The following ATOSA variants were observed in gnomAD, a reference collection of about 807,000 sequenced individuals.
ATOSA encodes the protein atos homolog A.
the ATOSA span, among the ~76,000 whole-genome samples, chr15:52,616,800 A>C: frequency 6.6e-6 from 1 of 152,186 alleles, no homozygotes; most frequent in African/African-American, 2.4e-5. Context: ...AAAGAGAATG[A>C]AATAAGCTAT....
the ATOSA span, chr15:52,608,512 A>G: frequency 6.6e-7 from 1 of 1,507,754 alleles, no homozygotes; most frequent in Non-Finnish European, 8.8e-7. Context: ...TGTGAACAAA[A>G]TTTAAACCAT....
chr15:52,610,917 CTT>C, the ATOSA span, among the ~76,000 whole-genome samples: 1 of 152,212 alleles, frequency 6.6e-6, no homozygotes, highest in Non-Finnish European at 1.5e-5. Flanking sequence ...TAAAAGTTCT[CTT>C]GATATTATTC....
chr15:52,667,335 C>T, the ATOSA span, among the ~76,000 whole-genome samples: 28 of 152,242 alleles, frequency 1.8e-4, no homozygotes, highest in African/African-American at 6.7e-4. Context: ...TGTTGTCTAA[C>T]ATCAGGGTCT....
chr15:52,609,869 G>A, the ATOSA span: 28 of 1,613,522 alleles, frequency 1.7e-5, no homozygotes, highest in East Asian at 1.1e-4. Context: ...AAACTCTGGC[G>A]GTTAGAGATA....
the ATOSA span, among the ~76,000 whole-genome samples, chr15:52,665,119 G>A: frequency 5.3e-5 from 8 of 152,206 alleles, no homozygotes; most frequent in Non-Finnish European, 1.0e-4. Context: ...GGGGAATGGA[G>A]GGAGGCAGGT....
At chr15:52,652,021 G>C in the ATOSA span, 1 of 1,510,844 alleles carries the variant, frequency 6.6e-7, no homozygotes, top group Non-Finnish European at 8.8e-7. Flanking sequence ...GTTGGGTGCT[G>C]ATCCCGCTTC....
chr15:52,621,580 T>C, the ATOSA span, among the ~76,000 whole-genome samples: 2 of 152,090 alleles, frequency 1.3e-5, no homozygotes, highest in South Asian at 2.1e-4. Context: ...AATTGAACCA[T>C]GGGGGTGGGT....
the ATOSA span, chr15:52,611,102 T>A: frequency 2.4e-4 from 378 of 1,588,878 alleles, no homozygotes; most frequent in Middle Eastern, 1.5e-3. Flanking sequence ...GAATACGCAC[T>A]GTCCTTTTTT....
chr15:52,684,985 A>G, the ATOSA span, among the ~76,000 whole-genome samples: 11 of 152,368 alleles, frequency 7.2e-5, no homozygotes, highest in African/African-American at 1.9e-4. Context: ...ATCTCTATTG[A>G]TACTTTAAAA....
chr15:52,609,350 T>C, the ATOSA span: 9 of 1,614,022 alleles, frequency 5.6e-6, no homozygotes, highest in East Asian at 2.0e-4. Flanking sequence ...TATGAACTCC[T>C]AAACACTTTA....
At chr15:52,622,212 T>C in the ATOSA span, among the ~76,000 whole-genome samples, 1 of 152,200 alleles carries the variant, frequency 6.6e-6, no homozygotes, top group Non-Finnish European at 1.5e-5. Flanking sequence ...CACACACAGG[T>C]AACAGTATAC....
chr15:52,602,298 T>C, the ATOSA span, among the ~76,000 whole-genome samples: 1 of 152,210 alleles, frequency 6.6e-6, no homozygotes, highest in Non-Finnish European at 1.5e-5. Flanking sequence ...TTCTTTCATC[T>C]AAATTCCCTA....
At chr15:52,582,891 TA>T in the ATOSA span, among the ~76,000 whole-genome samples, 1 of 152,262 alleles carries the variant, frequency 6.6e-6, no homozygotes, top group African/African-American at 2.4e-5. Context: ...CCACTGCTAA[TA>T]TCTGTAATAC....
chr15:52,600,222 A>G, the ATOSA span: 3 of 1,605,386 alleles, frequency 1.9e-6, no homozygotes, highest in Non-Finnish European at 2.6e-6. Context: ...TCAATGTTTA[A>G]ACATGGTCGA....
At chr15:52,624,020 T>A in the ATOSA span, among the ~76,000 whole-genome samples, 1 of 152,214 alleles carries the variant, frequency 6.6e-6, no homozygotes, top group Non-Finnish European at 1.5e-5. Context: ...TAAATTTTAA[T>A]TTGTTTTAAA....
the ATOSA span, among the ~76,000 whole-genome samples, chr15:52,698,845 T>C: frequency 6.6e-6 from 1 of 152,218 alleles, no homozygotes; most frequent in Non-Finnish European, 1.5e-5. Flanking sequence ...TACTGTACTG[T>C]CTTCATTTTA....
chr15:52,684,902 T>C, the ATOSA span, among the ~76,000 whole-genome samples: 3 of 152,180 alleles, frequency 2.0e-5, no homozygotes, highest in Admixed American at 6.5e-5. Context: ...CTAATGAGAA[T>C]TGAACCTACA....
chr15:52,677,263 T>C, the ATOSA span, among the ~76,000 whole-genome samples: 1 of 152,218 alleles, frequency 6.6e-6, no homozygotes, highest in Non-Finnish European at 1.5e-5. Flanking sequence ...CACTTCACAA[T>C]GTTCCTTGGA....
At chr15:52,702,098 T>A in the ATOSA span, among the ~76,000 whole-genome samples, 1 of 152,024 alleles carries the variant, frequency 6.6e-6, no homozygotes, top group Admixed American at 6.6e-5. Flanking sequence ...CGAATGGCTA[T>A]AAAAAAGTCA....
Sources: gnomAD v4.1 joint callset for allele counts (sites outside exome capture counted in the v4.1 genomes callset) on GRCh38, gnomAD v4.1.1 for gene constraint, MANE v1.5 for transcripts, NCBI Gene and HGNC (gene_info 2026-07-23, HGNC 2026-07-21) for gene names.